Variants in NKTR observed in about 807,000 individuals in gnomAD.
The protein encoded by NKTR is natural killer cell triggering receptor.
NKTR carries 67 observed loss-of-function variants against 156.3 expected under a neutral mutation model. The ratio of observed to expected loss-of-function variants is 0.43; its 90% CI spans 0.35 to 0.53. The LOEUF (loss-of-function observed/expected upper bound fraction) is 0.53. Among genes scored for constraint, NKTR ranks in the 20% least tolerant of loss-of-function variants. NKTR has a pLI of 0.01. For missense variants in NKTR, 1,604 were observed against 1,730.9 expected, an observed-to-expected ratio of 0.93 and a Z score of 1.30; for synonymous variants, 640 against 596.6, an observed-to-expected ratio of 1.07 and a Z score of -1.06.
Position 42,638,955 on chromosome 3 carries a change from A to T in NKTR, c.3251A>T (p.Lys1084Ile). 6.2e-7 allele frequency: 1 copy of T among 1,612,904 alleles called. No individual in the cohort carries two copies. The highest frequency in any genetic ancestry group is 8.5e-7 in the Non-Finnish European group (1 of 1,178,946). The change falls in exon 13 of 17, where the codon AAA becomes ATA. Residue 1084 changes from lysine (K) to isoleucine (I), a missense_variant. Transcript: ENST00000232978. ...TCATCAGATCTTGATCAGTTTACTA[A>T]AGATGATAGTAAACTCAGTATTTCT... Reference protein sequence around the residue: ...TVSSDLDQFTKDDSKLSISPT... With the variant: ...TVSSDLDQFTIDDSKLSISPT...
chr3:42,620,236 C>T, intron 5 of NKTR: 2 of 1,267,324 alleles, frequency 1.6e-6, no homozygotes, highest in East Asian at 3.0e-5. Flanking sequence ...AATTTCACAT[C>T]AGAGAAAAGA....
intron 3 of NKTR, 67 bp downstream of exon 3, chr3:42,617,711 T>G: frequency 1.2e-6 from 1 of 805,168 alleles, no homozygotes; most frequent in Non-Finnish European, 2.1e-6. Flanking sequence ...ACAGAATAGA[T>G]ATTTTCCTGG....
At chr3:42,642,731 T>A in intron 14 of NKTR, 135 bp downstream of exon 14, 1 of 663,734 alleles carries the variant, frequency 1.5e-6, no homozygotes, top group Middle Eastern at 2.6e-4. Flanking sequence ...CTCATGTAGT[T>A]TTTTCTATGT....
intron 2 of NKTR, 82 bp downstream of exon 2, chr3:42,601,146 C>CT (rs1217796972): frequency 8.1e-7 from 1 of 1,227,380 alleles, no homozygotes; most frequent in Non-Finnish European, 1.1e-6. Flanking sequence ...CAACCCTCCC[C>CT]CGGCCTTTTT....
intron 2 of NKTR, among the ~76,000 whole-genome samples, chr3:42,614,318 T>A (rs1707137087): frequency 6.6e-6 from 1 of 152,074 alleles, no homozygotes; most frequent in African/African-American, 2.4e-5. Flanking sequence ...ATTCCAAGTC[T>A]GTCCTTTATT....
chr3:42,600,707 T>G lies in NKTR; in HGVS notation c.-95T>G. The G allele has an allele frequency of 8.1e-6, 2 of 246,160 alleles. No individual in the cohort carries two copies. Among genetic ancestry groups the G allele is most frequent in the Non-Finnish European group, 7.8e-6 (1 of 128,352 alleles). 15.2% of individuals were successfully genotyped at this position (246,160 alleles called of 1,614,324 possible). A position where few individuals can be genotyped will look rare whatever the true frequency, so the allele number is the denominator to read the frequency against. On this transcript the variant is annotated 5_prime_UTR_variant, in exon 1 of 17. Coordinates refer to ENST00000232978, the MANE Select transcript of NKTR (RefSeq NM_005385.4). ...AGGAGACGGCGTTCCGTTAGCGGCG[T>G]TGGGGTTTGGCTGCAGTGGCAGTGC...
At chr3:42,616,948 G>T (rs1290745924) in intron 2 of NKTR, among the ~76,000 whole-genome samples, 2 of 152,210 alleles carry the variant, frequency 1.3e-5, no homozygotes, top group Middle Eastern at 3.4e-3. Context: ...AGAGACAGGG[G>T]TCGTTCTGTG....
intron 5 of NKTR, chr3:42,620,711 T>G: frequency 3.0e-6 from 3 of 984,784 alleles, no homozygotes; most frequent in Non-Finnish European, 3.6e-6. Flanking sequence ...TCACAGATTT[T>G]TTTTTCCTTT....
At chr3:42,615,691 C>A (rs968485849) in intron 2 of NKTR, among the ~76,000 whole-genome samples, 1 of 152,104 alleles carries the variant, frequency 6.6e-6, no homozygotes. Flanking sequence ...AGCCATCTTA[C>A]AGGGATTGCA....
chr3:42,641,246 A>G (rs1709859971), intron 13 of NKTR, among the ~76,000 whole-genome samples: 1 of 152,194 alleles, frequency 6.6e-6, no homozygotes, highest in African/African-American at 2.4e-5. Flanking sequence ...GTCTGGCTTT[A>G]TTATTTTTGG....
intron 16 of NKTR, among the ~76,000 whole-genome samples, chr3:42,644,934 A>AT (rs1259601714): frequency 2.0e-5 from 3 of 151,898 alleles, no homozygotes; most frequent in Non-Finnish European, 4.4e-5. Context: ...TGACTATTCT[A>AT]TTCTGTCCTT....
At chr3:42,619,360 T>C in intron 4 of NKTR, 1 of 1,195,996 alleles carries the variant, frequency 8.4e-7, no homozygotes, top group East Asian at 2.9e-5. Context: ...TATAGTTACT[T>C]AGTGAATTCC....
intron 2 of NKTR, among the ~76,000 whole-genome samples, chr3:42,614,246 G>T (rs922070674): frequency 6.6e-6 from 1 of 152,174 alleles, no homozygotes; most frequent in Non-Finnish European, 1.5e-5. Flanking sequence ...TTACAGAGAT[G>T]GGGTTACTGT....
At chr3:42,608,986 G>A (rs1401944811) in intron 2 of NKTR, among the ~76,000 whole-genome samples, 1 of 152,088 alleles carries the variant, frequency 6.6e-6, no homozygotes, top group South Asian at 2.1e-4. Flanking sequence ...AAATTAGCCG[G>A]GCATGGTGGC....
Position 42,625,032 on chromosome 3 carries a change from A to G in NKTR, c.374+3516A>G, listed in dbSNP as rs550538399. 7.9e-5 allele frequency among the ~76,000 whole-genome samples: 12 copies of G among 152,320 alleles called. No individual in the cohort carries two copies. In the South Asian group the frequency reaches 2.3e-3, roughly 29 times the overall value. ...GTTCGTTTTTCTTAAACATTGGTAT[A>G]AAAATATGGATGTAAAAGGAAGAAG... On this transcript the variant is annotated intron_variant, in intron 6 of 16. Transcript: ENST00000232978.
chr3:42,619,640 C>CT (rs1373602658), intron 4 of NKTR, 24 bp from the exon 5 acceptor site: 1 of 1,604,736 alleles, frequency 6.2e-7, no homozygotes, highest in Non-Finnish European at 8.5e-7. Context: ...TTCATTATGG[C>CT]TTAAAGTAGG....
At position 42,638,399 on chromosome 3, in the gene NKTR, A is replaced by C. The variant is rs780733052; in HGVS notation, c.2695A>C (p.Ser899Arg). The change falls in exon 13 of 17, where the codon AGT (serine) becomes CGT (arginine). Residue 899 changes from serine to arginine, a missense_variant. By Grantham distance (110) the Ser-to-Arg change is moderately radical (BLOSUM62 -1). Around this residue, in one of 6 missense-constraint regions of NKTR, gnomAD observed 1,255 missense variants for 1,243.7 expected, o/e 1.01. Transcript: ENST00000232978. ...TTCAGAACGAGATGTCACTAAAAAC[A>C]GTAAAAATGACTCCCATCCATCCTC... is the stretch of plus-strand genomic sequence containing the variant. ...SNSERDVTKNSKNDSHPSSDK... is the reference protein window; with the variant it reads ...SNSERDVTKNRKNDSHPSSDK... 6.2e-7 allele frequency: 1 copy of C among 1,613,900 alleles called. No homozygotes were observed.
chr3:42,617,748 T>G lies in NKTR; in HGVS notation c.133+104T>G, dbSNP rs546087635. The G allele has an allele frequency of 4.3e-5, 26 of 602,102 alleles. No individual in the cohort carries two copies. In the South Asian group the frequency reaches 5.3e-4, roughly 12 times the overall value. The allele number at this position is 602,102 out of a possible 1,614,324, so 37.3% of individuals were successfully genotyped here. Reference sequence around the variant, plus strand: ...AGAATAATGGACTCGTGAAATTAGTTTTGTGAATTAAAAAAAAAAAAGAGT... The same window carrying G: ...AGAATAATGGACTCGTGAAATTAGTGTTGTGAATTAAAAAAAAAAAAGAGT... On this transcript the variant is annotated intron_variant, in intron 3 of 16. Coordinates refer to ENST00000232978, the MANE Select transcript of NKTR (RefSeq NM_005385.4).
At chr3:42,629,356 T>G in intron 6 of NKTR, 1 of 948,382 alleles carries the variant, frequency 1.1e-6, no homozygotes, top group Non-Finnish European at 1.3e-6. Context: ...ACTTCTTAAG[T>G]TGACATTTTA....
Sources: gnomAD v4.1 joint callset for allele counts (sites outside exome capture counted in the v4.1 genomes callset) on GRCh38, gnomAD v4.1.1 for gene constraint, gnomAD v4.1.1 regional missense constraint, MANE v1.5 for transcripts, NCBI Gene and HGNC (gene_info 2026-07-23, HGNC 2026-07-21) for gene names.